SPAG6: variants seen among roughly 807,000 people sequenced by gnomAD.
SPAG6 encodes sperm-associated antigen 6.
A neutral mutation model predicts 58.5 loss-of-function variants in SPAG6; 49 were observed. The observed-to-expected ratio is 0.84, with a 90% CI of 0.67 to 1.06. The LOEUF (loss-of-function observed/expected upper bound fraction) is 1.06, where lower values mean the gene tolerates loss of function less well. SPAG6 is among the 50% of genes least tolerant of loss of function. The pLI is 0.00. For missense variants in SPAG6, 560 were observed against 611.3 expected, an observed-to-expected ratio of 0.92 and a Z score of 0.89; for synonymous variants, 233 against 225.6, an observed-to-expected ratio of 1.03 and a Z score of -0.29.
chr10:22,362,465 G>A (rs1253263586), intron 2 of SPAG6, among the ~76,000 whole-genome samples: 1 of 151,966 alleles, frequency 6.6e-6, no homozygotes, highest in Admixed American at 6.6e-5. Flanking sequence ...GTAAGGCCAG[G>A]CACAGTGGCT....
intron 4 of SPAG6, among the ~76,000 whole-genome samples, chr10:22,374,498 T>C (rs933731824): frequency 1.3e-5 from 2 of 150,086 alleles, no homozygotes; most frequent in Non-Finnish European, 2.9e-5. Flanking sequence ...CTGGGCAGAG[T>C]GGCACGTGCC....
chr10:22,386,075 A>G (rs903501625), intron 4 of SPAG6, among the ~76,000 whole-genome samples: 5 of 152,236 alleles, frequency 3.3e-5, no homozygotes, highest in Non-Finnish European at 5.9e-5. Context: ...ATCAACATGT[A>G]TGTTCAAAAG....
At chr10:22,387,380 G>GT (rs1376458525) in intron 5 of SPAG6, among the ~76,000 whole-genome samples, 7 of 152,018 alleles carry the variant, frequency 4.6e-5, no homozygotes, top group African/African-American at 1.7e-4. Flanking sequence ...TATTCTAATA[G>GT]TTATATCCTA....
intron 9 of SPAG6, among the ~76,000 whole-genome samples, chr10:22,406,466 C>T (rs1001107087): frequency 1.3e-5 from 2 of 152,218 alleles, no homozygotes; most frequent in African/African-American, 4.8e-5. Flanking sequence ...GATTCTTAAT[C>T]CTGAGTTCTA....
chr10:22,373,057 G>A (rs1368287645), intron 4 of SPAG6, among the ~76,000 whole-genome samples: 1 of 152,176 alleles, frequency 6.6e-6, no homozygotes, highest in Non-Finnish European at 1.5e-5. Context: ...ATATCTGAAA[G>A]TCTTGCCAGA....
intron 2 of SPAG6, chr10:22,361,287 C>G (rs564980002): frequency 6.5e-6 from 1 of 154,284 alleles, no homozygotes; most frequent in Non-Finnish European, 1.4e-5. Context: ...GCATATAAGC[C>G]TAATTTTGAC....
intron 2 of SPAG6, among the ~76,000 whole-genome samples, chr10:22,360,278 AT>A (rs1052947269): frequency 6.3e-4 from 83 of 132,078 alleles, no homozygotes; most frequent in Admixed American, 7.5e-4. Context: ...CAGTGTGGCT[AT>A]TTTTTTTTTT....
chr10:22,376,179 T>C (rs1833811510), intron 4 of SPAG6, among the ~76,000 whole-genome samples: 1 of 152,240 alleles, frequency 6.6e-6, no homozygotes, highest in South Asian at 2.1e-4. Flanking sequence ...CCTTTTCAAC[T>C]GTAAACTTTT....
chr10:22,356,622 A>T (rs1465515720), intron 2 of SPAG6, among the ~76,000 whole-genome samples: 1 of 152,254 alleles, frequency 6.6e-6, no homozygotes, highest in Non-Finnish European at 1.5e-5. Context: ...CTTCTTCAAC[A>T]GTGGGCAACA....
At chr10:22,349,582 A>G (rs1836662696) in intron 2 of SPAG6, among the ~76,000 whole-genome samples, 2 of 152,232 alleles carry the variant, frequency 1.3e-5, no homozygotes, top group South Asian at 4.1e-4. Flanking sequence ...AGAAGCTCCA[A>G]GAAAATGACT....
At chr10:22,346,120 A>C in intron 2 of SPAG6, 4 of 1,410,042 alleles carry the variant, frequency 2.8e-6, no homozygotes, top group Non-Finnish European at 1.9e-6. Context: ...CTCTACCCTA[A>C]TGAGACCCAT....
At chr10:22,393,768 AT>A (rs1834232350) in intron 8 of SPAG6, among the ~76,000 whole-genome samples, 1 of 152,042 alleles carries the variant, frequency 6.6e-6, no homozygotes, top group Non-Finnish European at 1.5e-5. Context: ...GGTCTCGTGA[AT>A]TCTCTCAGTT....
At chr10:22,406,482 A>T (rs1221704675) in intron 9 of SPAG6, among the ~76,000 whole-genome samples, 1 of 152,040 alleles carries the variant, frequency 6.6e-6, no homozygotes, top group Non-Finnish European at 1.5e-5. Flanking sequence ...TTCTAGTTTG[A>T]TTGCACTGTG....
intron 4 of SPAG6, among the ~76,000 whole-genome samples, chr10:22,385,421 G>A (rs965851310): frequency 6.6e-6 from 1 of 152,256 alleles, no homozygotes; most frequent in African/African-American, 2.4e-5. Flanking sequence ...TCTCGTTCTT[G>A]AGATTACATA....
Position 22,386,961 on chromosome 10 carries a change from TA to T in SPAG6, c.678+3del. On this transcript the variant is annotated splice_donor_region_variant and intron_variant, in intron 5 of 10. Coordinates refer to ENST00000376624, the MANE Select transcript of SPAG6 (RefSeq NM_012443.4). Reference sequence around the variant, plus strand: ...CTGAACCCTGATGCTAAATTGAAGGTATTTCAAAATAAGGTTGAAAAATACA... The same window carrying T: ...CTGAACCCTGATGCTAAATTGAAGGTTTTCAAAATAAGGTTGAAAAATACA... The T allele has an allele frequency of 6.2e-7, 1 of 1,609,814 alleles. No individual in the cohort carries two copies. Among genetic ancestry groups the T allele is most frequent in the Non-Finnish European group, 8.5e-7 (1 of 1,176,798 alleles).
At chr10:22,359,995 G>T (rs1564362523) in intron 2 of SPAG6, among the ~76,000 whole-genome samples, 1 of 152,198 alleles carries the variant, frequency 6.6e-6, no homozygotes, top group East Asian at 1.9e-4. Flanking sequence ...AATGAATGAG[G>T]TGTTTTTTGT....
intron 4 of SPAG6, among the ~76,000 whole-genome samples, chr10:22,375,987 G>A (rs1436007031): frequency 6.6e-6 from 1 of 152,136 alleles, no homozygotes; most frequent in Admixed American, 6.5e-5. Flanking sequence ...TACAGTGTTC[G>A]CAGTATGGTA....
chr10:22,392,599 T>C (rs543054421), intron 8 of SPAG6, among the ~76,000 whole-genome samples: 1 of 152,130 alleles, frequency 6.6e-6, no homozygotes, highest in South Asian at 2.1e-4. Context: ...GGAAAACTTG[T>C]AAGTTTTTGA....
intron 4 of SPAG6, among the ~76,000 whole-genome samples, chr10:22,379,685 C>T (rs151037592): frequency 7.9e-4 from 121 of 152,358 alleles, no homozygotes; most frequent in Non-Finnish European, 4.4e-4. Flanking sequence ...TCTTGACCTA[C>T]AGAAACTATG....
Sources: allele counts gnomAD v4.1 joint callset (sites outside exome capture counted in the v4.1 genomes callset), GRCh38; gene constraint gnomAD v4.1.1; transcripts MANE v1.5; gene names NCBI Gene and HGNC (gene_info 2026-07-23, HGNC 2026-07-21).